The following RPS6KA2 variants were observed in gnomAD, a reference collection of about 807,000 sequenced individuals.
RPS6KA2 encodes the protein ribosomal protein S6 kinase alpha-2.
In RPS6KA2, 42 loss-of-function variants were observed where a neutral mutation model predicts 91.8. The observed-to-expected ratio is 0.46, with a 90% CI of 0.36 to 0.59. The LOEUF is 0.59. Ranked by LOEUF, RPS6KA2 falls within the 20% of genes least tolerant of loss-of-function variation. The pLI is 0.00. For synonymous variants in RPS6KA2, 414 were observed against 393.6 expected (o/e 1.05, Z -0.61); for missense variants, 798 against 978.5 (o/e 0.82, Z 2.46).
At chr6:166,480,595 A>G (rs1781179646) in intron 10 of RPS6KA2, among the ~76,000 whole-genome samples, 4 of 148,498 alleles carry the variant, frequency 2.7e-5, no homozygotes, top group Admixed American at 6.7e-5. Flanking sequence ...GCTTACCACA[A>G]TCTCCACCTC....
intron 2 of RPS6KA2, among the ~76,000 whole-genome samples, chr6:166,839,992 C>CAT (rs71032878): frequency 0.28 from 41,893 of 151,126 alleles, 5,870 homozygotes; most frequent in Admixed American, 0.33. Flanking sequence ...AGTATTATTC[C>CAT]ATATATATAT....
At chr6:166,436,684 C>T (rs760124594) in intron 14 of RPS6KA2, among the ~76,000 whole-genome samples, 89 of 152,256 alleles carry the variant, frequency 5.8e-4, no homozygotes, top group Non-Finnish European at 6.8e-4. Context: ...GCTTCCTTGC[C>T]TCCTGGCCTC....
chr6:166,529,604 ATTACG>A (rs963517375), intron 3 of RPS6KA2, among the ~76,000 whole-genome samples: 4 of 152,242 alleles, frequency 2.6e-5, no homozygotes, highest in African/African-American at 9.6e-5. Flanking sequence ...CATGGGTTAA[ATTACG>A]TTACAATTGA....
rs1562387971 is a variant in RPS6KA2 at position 166,695,768 on chromosome 6, ATAGGAG to A, written c.124-156990_124-156985del. The stretch of plus-strand genomic sequence containing the variant: ...ATTCTCACAGGAGCACTGGATTCTC[ATAGGAG>A]CACTGGATTCTCACAGGAGCACTGG... On this transcript the variant is annotated intron_variant, in intron 2 of 21. Transcript: ENST00000503859. Among the ~76,000 whole-genome samples, 1,048 of 149,398 alleles carry A rather than the reference ATAGGAG, an allele frequency of 7.0e-3. 17 individuals are homozygous for A. Among genetic ancestry groups the A allele is most frequent in the African/African-American group, 0.023 (920 of 39,570 alleles).
At chr6:166,855,903 T>C (rs1419607882) in intron 2 of RPS6KA2, among the ~76,000 whole-genome samples, 2 of 152,238 alleles carry the variant, frequency 1.3e-5, no homozygotes, top group African/African-American at 2.4e-5. Context: ...TGGTTTTCTA[T>C]TATCCAGATA....
In RPS6KA2 at chr6:166,459,403, T is replaced by A. The variant is rs368247186; in HGVS notation, c.1075+46A>T. 4.2e-6 allele frequency: 5 copies of A among 1,188,224 alleles called. No individual in the cohort carries two copies. The African/African-American group carries it at 7.5e-5, about 18-fold the overall frequency. 73.6% of individuals were successfully genotyped at this position (1,188,224 alleles called of 1,614,324 possible). The stretch of plus-strand genomic sequence containing the variant: ...TTCCTAGATATCTGTCTCTAAGGGG[T>A]CAGGTGGGAGAAGCCACCGATAGAG... On this transcript the variant is annotated intron_variant, in intron 12 of 20. Coordinates refer to ENST00000265678, the MANE Select transcript of RPS6KA2 (RefSeq NM_021135.6). The surrounding 1 kb of genome is among the most constrained non-coding windows in gnomAD (Gnocchi z 4.9).
At chr6:166,520,497 A>G (rs1000011298) in intron 3 of RPS6KA2, among the ~76,000 whole-genome samples, 3 of 152,216 alleles carry the variant, frequency 2.0e-5, no homozygotes, top group African/African-American at 7.2e-5. Context: ...TGATTCCTGT[A>G]ACAAATCTCC....
chr6:166,692,827 C>T (rs1378923240), intron 2 of RPS6KA2, among the ~76,000 whole-genome samples: 2 of 152,110 alleles, frequency 1.3e-5, no homozygotes, highest in South Asian at 2.1e-4. Context: ...GAAGGCTTGG[C>T]GGAGGAGAGA....
intron 10 of RPS6KA2, among the ~76,000 whole-genome samples, chr6:166,480,798 C>T (rs1267107131): frequency 6.6e-6 from 1 of 151,952 alleles, no homozygotes; most frequent in Admixed American, 6.6e-5. Flanking sequence ...TACAGGCGTA[C>T]ACCACCACTC....
chr6:166,783,396 T>C (rs1778823881), intron 2 of RPS6KA2, among the ~76,000 whole-genome samples: 1 of 152,024 alleles, frequency 6.6e-6, no homozygotes, highest in Admixed American at 6.5e-5. Flanking sequence ...GACTAGAACA[T>C]CTACTCCCAC....
rs566942691 is a variant in RPS6KA2, at chr6:166,741,107, A to C, written c.123+117093T>G. Among the ~76,000 whole-genome samples, 26 of 152,378 alleles carry C rather than the reference A, an allele frequency of 1.7e-4. No homozygotes were observed. The South Asian group carries it at 5.2e-3, about 30-fold the overall frequency. On this transcript the variant is annotated intron_variant, in intron 2 of 21. Transcript: ENST00000503859. ...GATAAGCAAAATCAGTGACACCTGA[A>C]GGAGAAAAGATGGCTTGCAGAAAAA...
intron 4 of RPS6KA2, among the ~76,000 whole-genome samples, chr6:166,509,789 T>A (rs1018805967): frequency 1.3e-5 from 2 of 152,242 alleles, no homozygotes; most frequent in African/African-American, 4.8e-5. Context: ...GGCCTTTGGT[T>A]AATTATTTGA....
At chr6:166,862,206 T>C (rs540091746) in exon 1 of RPS6KA2, 28 of 1,613,718 alleles carry the variant, frequency 1.7e-5, no homozygotes, top group Admixed American at 1.2e-4. Flanking sequence ...CGAGTATTGA[T>C]AGTAGGAAAG....
chr6:166,765,146 C>G (rs1297149088), intron 2 of RPS6KA2, among the ~76,000 whole-genome samples: 3 of 133,156 alleles, frequency 2.3e-5, no homozygotes, highest in Non-Finnish European at 4.5e-5. Context: ...TGAAGAGAGC[C>G]ACAGTCCTGG....
At chr6:166,455,143 T>C (rs1378750871) in intron 12 of RPS6KA2, among the ~76,000 whole-genome samples, 1 of 152,184 alleles carries the variant, frequency 6.6e-6, no homozygotes, top group African/African-American at 2.4e-5. Flanking sequence ...TTAGGTGCTG[T>C]ACTTTGAAAG....
rs1210936360 is a variant in RPS6KA2, at chr6:166,849,751, T to C, written c.123+8449A>G. On this transcript the variant is annotated intron_variant, in intron 2 of 21. Coordinates refer to the RPS6KA2 transcript ENST00000503859. The surrounding 1 kb of genome is among the most constrained non-coding windows in gnomAD (Gnocchi z 4.9). ...CATGTGCCTGGCGCAGTGTGTGGCC[T>C]GAGACTGACACCAGCATGTGTTCAC... Among the ~76,000 whole-genome samples the C allele has an allele frequency of 6.6e-6, 1 of 152,244 alleles. No individual in the cohort carries two copies.
At chr6:166,430,098 CA>C (rs1387585394) in intron 16 of RPS6KA2, among the ~76,000 whole-genome samples, 1 of 151,768 alleles carries the variant, frequency 6.6e-6, no homozygotes, top group Non-Finnish European at 1.5e-5. Flanking sequence ...GCTAGGATTG[CA>C]GGTGTGTGCC....
rs115613804 is a variant in RPS6KA2, at chr6:166,457,835, C to T, written c.1075+1614G>A. Among the ~76,000 whole-genome samples the T allele has an allele frequency of 4.1e-3, 624 of 152,318 alleles. 5 individuals carry two copies. Among genetic ancestry groups the T allele is most frequent in the African/African-American group, 0.014 (595 of 41,556 alleles). ...TGGAGGAACAAAGTGGATTCTCTAA[C>T]TTCATCTACCTGACATTTTGTGGTT... On this transcript the variant is annotated intron_variant, in intron 12 of 20. Coordinates refer to ENST00000265678, the MANE Select transcript of RPS6KA2 (RefSeq NM_021135.6).
intron 2 of RPS6KA2, among the ~76,000 whole-genome samples, chr6:166,729,896 G>A (rs1790459298): frequency 6.6e-6 from 1 of 152,186 alleles, no homozygotes; most frequent in South Asian, 2.1e-4. Context: ...TTCTCATCAG[G>A]TTTGACTGCC....
Sources: gnomAD v4.1 joint callset for allele counts (sites outside exome capture counted in the v4.1 genomes callset) on GRCh38, gnomAD v4.1.1 for gene constraint, Gnocchi (gnomAD v3.1) non-coding constraint, MANE v1.5 for transcripts, NCBI Gene and HGNC (gene_info 2026-07-23, HGNC 2026-07-21) for gene names.